The following ST6GAL1 variants were observed in gnomAD, a reference collection of about 807,000 sequenced individuals.
ST6GAL1 encodes the protein ST6 beta-galactoside alpha-2,6-sialyltransferase 1, also known as beta-galactoside alpha-2,6-sialyltransferase 1.
ST6GAL1 carries 20 observed loss-of-function variants against 38.0 expected under a neutral mutation model. The observed-to-expected ratio is 0.53, with a 90% confidence interval of 0.37 to 0.77. The LOEUF (loss-of-function observed/expected upper bound fraction) is 0.77. Ranked by LOEUF, ST6GAL1 falls within the 30% of genes least tolerant of loss-of-function variation. The probability of loss-of-function intolerance (pLI) is 0.00; values close to 1 mark genes in which losing one functional copy is unlikely to be tolerated. For missense variants in ST6GAL1, 432 were observed against 496.4 expected (o/e 0.87, Z 1.23); for synonymous variants, 196 against 188.2 (o/e 1.04, Z -0.34).
Position 187,033,180 on chromosome 3 carries a change from G to A in ST6GAL1, c.-182-5562G>A, listed in dbSNP as rs918544820. On this transcript the variant is annotated intron_variant, in intron 2 of 7. Transcript: ENST00000169298. ...TGTAATCCTAGCACTTTGGGAGGCC[G>A]AAGTGGGTAGATCACCTGAGGTCAG... Among the ~76,000 whole-genome samples the A allele has an allele frequency of 3.9e-5, 6 of 152,206 alleles. No homozygotes were observed. The East Asian group carries it at 5.8e-4, about 15-fold the overall frequency.
intron 2 of ST6GAL1, among the ~76,000 whole-genome samples, chr3:186,966,427 T>C (rs1327956329): frequency 6.6e-6 from 1 of 152,222 alleles, no homozygotes; most frequent in East Asian, 1.9e-4. Flanking sequence ...TCACAGCTCA[T>C]AAGCAAAAGA....
chr3:187,022,269 T>G (rs549190379), intron 2 of ST6GAL1, among the ~76,000 whole-genome samples: 4 of 152,010 alleles, frequency 2.6e-5, no homozygotes, highest in Admixed American at 1.3e-4. Flanking sequence ...CCCACACATA[T>G]GGTCACATAA....
intron 1 of ST6GAL1, among the ~76,000 whole-genome samples, chr3:186,937,616 AAGG>A (rs1241607238): frequency 6.7e-6 from 1 of 149,490 alleles, no homozygotes; most frequent in Non-Finnish European, 1.5e-5. Flanking sequence ...TCATAGTTCA[AAGG>A]AGGAGGCAGG....
chr3:187,001,675 C>T (rs968283067), intron 2 of ST6GAL1, among the ~76,000 whole-genome samples: 5 of 152,084 alleles, frequency 3.3e-5, no homozygotes, highest in Non-Finnish European at 7.4e-5. Flanking sequence ...AACAAACAAA[C>T]GGCCGGGCTC....
intron 2 of ST6GAL1, chr3:187,024,815 C>G (rs193264047): frequency 6.6e-6 from 1 of 152,102 alleles, no homozygotes; most frequent in Non-Finnish European, 1.5e-5. Flanking sequence ...ATCCAGTCAT[C>G]CAAACAAAAT....
chr3:187,031,222 C>T (rs921415592), intron 2 of ST6GAL1, among the ~76,000 whole-genome samples: 4 of 152,170 alleles, frequency 2.6e-5, no homozygotes, highest in Non-Finnish European at 4.4e-5. Flanking sequence ...GGCATGGCCC[C>T]ATGGGAACAG....
intron 2 of ST6GAL1, among the ~76,000 whole-genome samples, chr3:186,973,363 A>C (rs905154437): frequency 6.6e-6 from 1 of 152,014 alleles, no homozygotes; most frequent in Admixed American, 6.5e-5. Flanking sequence ...TCTCCTGTGC[A>C]CTCAGGGCTG....
intron 2 of ST6GAL1, among the ~76,000 whole-genome samples, chr3:187,032,481 A>G (rs577418602): frequency 6.6e-6 from 1 of 152,280 alleles, no homozygotes; most frequent in African/African-American, 2.4e-5. Flanking sequence ...CCATTTATTC[A>G]TTCAACAAAT....
chr3:187,064,450 G>A (rs1189045139), intron 5 of ST6GAL1: 3 of 451,554 alleles, frequency 6.6e-6, no homozygotes, highest in African/African-American at 2.0e-5. Flanking sequence ...AATCTGACAG[G>A]GAGGAAGAGT....
At chr3:187,038,218 T>C (rs1295470838) in intron 2 of ST6GAL1, among the ~76,000 whole-genome samples, 1 of 145,876 alleles carries the variant, frequency 6.9e-6, no homozygotes, top group Non-Finnish European at 1.5e-5. Flanking sequence ...TTTTTTTTTT[T>C]CTTTTGAGAC....
chr3:187,046,203 G>C (rs1579355225), intron 4 of ST6GAL1, among the ~76,000 whole-genome samples: 1 of 152,172 alleles, frequency 6.6e-6, no homozygotes, highest in East Asian at 1.9e-4. Flanking sequence ...ACCTGAGAGG[G>C]CTCATGAAGT....
chr3:186,934,732 C>T lies in ST6GAL1; in HGVS notation c.-325+3898C>T, dbSNP rs1252928723. 4.3e-5 allele frequency among the ~76,000 whole-genome samples: 6 copies of T among 139,320 alleles called. No homozygotes were observed. In the South Asian group the frequency reaches 1.4e-3, roughly 33 times the overall value. The allele number at this position is 139,320 out of a possible 152,430, so 91.4% of individuals were successfully genotyped here. On this transcript the variant is annotated intron_variant, in intron 1 of 7. Coordinates refer to ENST00000169298, the MANE Select transcript of ST6GAL1 (RefSeq NM_173216.2). Reference sequence around the variant, plus strand: ...CCTCTTGGCAGGCTTGAGTGCTTACCAGCTTTTAAAAAATTTTATTTATTT... The same window carrying T: ...CCTCTTGGCAGGCTTGAGTGCTTACTAGCTTTTAAAAAATTTTATTTATTT...
intron 2 of ST6GAL1, among the ~76,000 whole-genome samples, chr3:186,984,096 G>A (rs982472473): frequency 2.6e-5 from 4 of 152,046 alleles, no homozygotes; most frequent in Non-Finnish European, 4.4e-5. Context: ...AGCACCATCC[G>A]TCTAGTTGCT....
chr3:187,015,576 G>C (rs372976837), intron 2 of ST6GAL1, among the ~76,000 whole-genome samples: 1 of 152,126 alleles, frequency 6.6e-6, no homozygotes, highest in African/African-American at 2.4e-5. Context: ...AGCAGCTCAC[G>C]CCTGTAATCC....
intron 1 of ST6GAL1, among the ~76,000 whole-genome samples, chr3:186,955,906 A>G (rs1714735505): frequency 6.6e-6 from 1 of 152,098 alleles, no homozygotes; most frequent in Non-Finnish European, 1.5e-5. Flanking sequence ...TCTTTGTAGC[A>G]ATTGTGGATG....
chr3:187,076,315 G>A lies in ST6GAL1; in HGVS notation c.*512G>A, dbSNP rs2284749. ...TGGAAACATGCTCCGCGCCTCCAGAGAAAAGTTGCTCCCGAGGTCCATGCC... is the reference window on the plus strand; with the variant it reads ...TGGAAACATGCTCCGCGCCTCCAGAAAAAAGTTGCTCCCGAGGTCCATGCC... On this transcript the variant is annotated 3_prime_UTR_variant, in exon 8 of 8. Transcript: ENST00000169298. 35,241 of 160,616 alleles carry A rather than the reference G, an allele frequency of 0.22. 5,101 individuals carry two copies. The highest frequency in any genetic ancestry group is 0.41 in the East Asian group (2,171 of 5,342). 9.9% of individuals were successfully genotyped at this position (160,616 alleles called of 1,614,324 possible).
chr3:186,963,071 T>G (rs1486987842), intron 1 of ST6GAL1, among the ~76,000 whole-genome samples: 1 of 152,204 alleles, frequency 6.6e-6, no homozygotes, highest in Non-Finnish European at 1.5e-5. Flanking sequence ...TTTTCTAAAA[T>G]TTATAGATTG....
At chr3:186,963,231 A>C (rs1560143437) in intron 1 of ST6GAL1, among the ~76,000 whole-genome samples, 1 of 151,968 alleles carries the variant, frequency 6.6e-6, no homozygotes, top group African/African-American at 2.4e-5. Context: ...TTTAAAAAAA[A>C]CTTTTTTTTT....
intron 2 of ST6GAL1, among the ~76,000 whole-genome samples, chr3:186,977,863 A>C (rs1715570606): frequency 1.3e-5 from 2 of 152,174 alleles, no homozygotes. Flanking sequence ...AATAGTTTTA[A>C]TTTTCAGTAC....
Sources: gnomAD v4.1 joint callset for allele counts (sites outside exome capture counted in the v4.1 genomes callset) on GRCh38, gnomAD v4.1.1 for gene constraint, MANE v1.5 for transcripts, NCBI Gene and HGNC (gene_info 2026-07-23, HGNC 2026-07-21) for gene names.